Variants in CMSS1 observed in about 807,000 individuals in gnomAD.
CMSS1 encodes the protein cms1 ribosomal small subunit homolog.
CMSS1 carries 33 observed loss-of-function variants against 43.5 expected under a neutral mutation model. That is an observed-to-expected ratio of 0.76 (90% CI 0.57 to 1.01). The LOEUF (loss-of-function observed/expected upper bound fraction) is 1.01, where lower values mean the gene tolerates loss of function less well. Ranked by LOEUF, CMSS1 falls within the 50% of genes least tolerant of loss-of-function variation. The pLI, the probability that CMSS1 is intolerant of heterozygous loss-of-function variation, is 0.00. For missense variants in CMSS1, 313 were observed against 326.4 expected, an observed-to-expected ratio of 0.96 and a Z score of 0.32; for synonymous variants, 115 against 117.2, an observed-to-expected ratio of 0.98 and a Z score of 0.12.
At position 100,066,517 on chromosome 3, in the gene CMSS1, CTTTTTTTTTTTTTTTTTTT is replaced by C. The variant is rs545356638; in HGVS notation, c.65-80442_65-80424del. On this transcript the variant is annotated intron_variant, in intron 1 of 9. Coordinates refer to ENST00000421999, the MANE Select transcript of CMSS1 (RefSeq NM_032359.4). Reference sequence around the variant, plus strand: ...AAGGATGATGTGGAAGGCTTTGCTTCTTTTTTTTTTTTTTTTTTTTTTTTTTTTTTTTGAGACGGAGTCT... The same window carrying C: ...AAGGATGATGTGGAAGGCTTTGCTTCTTTTTTTTTTTTTGAGACGGAGTCT... Among the ~76,000 whole-genome samples the C allele has an allele frequency of 1.7e-3, 66 of 38,330 alleles. 6 individuals carry two copies. Among genetic ancestry groups the C allele is most frequent in the Admixed American group, 0.011 (25 of 2,234 alleles). The allele number at this position is 38,330 out of a possible 152,430, so 25.1% of individuals were successfully genotyped here.
chr3:99,938,062 T>G (rs1559696093), intron 1 of CMSS1, among the ~76,000 whole-genome samples: 1 of 92,048 alleles, frequency 1.1e-5, no homozygotes, highest in Non-Finnish European at 2.2e-5. Context: ...TGTGTGTGTG[T>G]GTGTGTGTGT....
chr3:100,106,445 C>T (rs2066396643), intron 1 of CMSS1, among the ~76,000 whole-genome samples: 1 of 152,110 alleles, frequency 6.6e-6, no homozygotes, highest in Admixed American at 6.6e-5. Context: ...ACAAGAAGGA[C>T]TCCAGCAGAA....
At chr3:99,985,260 G>A (rs1026339752) in intron 1 of CMSS1, among the ~76,000 whole-genome samples, 1 of 152,140 alleles carries the variant, frequency 6.6e-6, no homozygotes, top group African/African-American at 2.4e-5. Context: ...GGCCCATCAT[G>A]GTGGCTCACG....
intron 1 of CMSS1, among the ~76,000 whole-genome samples, chr3:99,853,328 C>G (rs956384842): frequency 5.9e-5 from 9 of 152,196 alleles, no homozygotes; most frequent in African/African-American, 1.7e-4. Flanking sequence ...ACAGTTCTTA[C>G]AGTTTTATTA....
In CMSS1 at chr3:100,162,400, T is replaced by C. The variant is rs2107527017; in HGVS notation, c.323T>C (p.Leu108Ser). ...AAGGACTATTATAGCAGCAGACGCT[T>C]GGTGATTGAATTAGAAGAACTGAAC... ...LMKDYYSSRR[L>S]VIELEELNLP... The change falls in exon 4 of 10, where the codon TTG becomes TCG. Residue 108 changes from leucine (L) to serine (S), a missense_variant. Physicochemically the swap from Leu to Ser is moderately radical, Grantham distance 145 (BLOSUM62 -2). Coordinates refer to ENST00000421999, the MANE Select transcript of CMSS1 (RefSeq NM_032359.4). 1 of 1,613,276 alleles carries C rather than the reference T, an allele frequency of 6.2e-7. No homozygotes were observed. The highest frequency in any genetic ancestry group is 8.5e-7 in the Non-Finnish European group (1 of 1,179,388).
At chr3:100,055,838 C>T (rs774374834) in intron 1 of CMSS1, among the ~76,000 whole-genome samples, 3 of 152,170 alleles carry the variant, frequency 2.0e-5, no homozygotes, top group Non-Finnish European at 4.4e-5. Flanking sequence ...TATTAAATTA[C>T]TCTTCCACAA....
intron 1 of CMSS1, among the ~76,000 whole-genome samples, chr3:99,885,879 G>A (rs1008427939): frequency 6.6e-6 from 1 of 152,140 alleles, no homozygotes; most frequent in Non-Finnish European, 1.5e-5. Flanking sequence ...TGTAAATCTA[G>A]AATGGGGAAT....
rs568938735 is a variant in CMSS1 at position 100,002,574 on chromosome 3, G to A, written c.65-144399G>A. On this transcript the variant is annotated intron_variant, in intron 1 of 9. Transcript: ENST00000421999. ...GAGTGACCTAGATAGCTGATAAAAA[G>A]TAAAGCTGATTTTATGCCTAGCTTT... Among the ~76,000 whole-genome samples the A allele has an allele frequency of 2.1e-4, 32 of 152,310 alleles. No homozygotes were observed. In the East Asian group the frequency reaches 4.1e-3, roughly 19 times the overall value.
At chr3:100,092,259 A>G (rs1238538776) in intron 1 of CMSS1, among the ~76,000 whole-genome samples, 1 of 152,224 alleles carries the variant, frequency 6.6e-6, no homozygotes, top group Non-Finnish European at 1.5e-5. Context: ...GTGATTGGAA[A>G]TAGTTGACAT....
At chr3:100,136,246 TAGAC>T (rs1476106621) in intron 1 of CMSS1, among the ~76,000 whole-genome samples, 3 of 152,064 alleles carry the variant, frequency 2.0e-5, no homozygotes, top group Non-Finnish European at 2.9e-5. Context: ...TGCCGTATGT[TAGAC>T]AGCAAAAAAG....
At chr3:100,060,564 A>G (rs2065545676) in intron 1 of CMSS1, among the ~76,000 whole-genome samples, 2 of 152,114 alleles carry the variant, frequency 1.3e-5, no homozygotes, top group South Asian at 4.1e-4. Flanking sequence ...CACTTAAGAA[A>G]CAAATAGGGG....
intron 1 of CMSS1, among the ~76,000 whole-genome samples, chr3:99,972,479 T>C (rs1708852133): frequency 6.6e-6 from 1 of 152,232 alleles, no homozygotes; most frequent in Non-Finnish European, 1.5e-5. Flanking sequence ...TTTATTTCTC[T>C]CCATTAGTTA....
intron 1 of CMSS1, chr3:99,924,215 C>G: frequency 2.5e-6 from 4 of 1,609,328 alleles, no homozygotes; most frequent in Non-Finnish European, 2.5e-6. Flanking sequence ...CATTGTTTGC[C>G]CAAAGCAGCC....
chr3:100,160,818 C>T (rs906866350), intron 3 of CMSS1, among the ~76,000 whole-genome samples: 26 of 152,312 alleles, frequency 1.7e-4, no homozygotes, highest in Admixed American at 8.5e-4. Context: ...TATCCTCCCC[C>T]GGCCCTTCTG....
intron 1 of CMSS1, among the ~76,000 whole-genome samples, chr3:100,099,865 T>TAAC (rs1343553921): frequency 6.6e-6 from 1 of 152,068 alleles, no homozygotes; most frequent in African/African-American, 2.4e-5. Context: ...ATTCCAGGTG[T>TAAC]GGTTATGGAA....
At chr3:99,827,746 C>T (rs969759303) in intron 1 of CMSS1, among the ~76,000 whole-genome samples, 3 of 152,220 alleles carry the variant, frequency 2.0e-5, no homozygotes, top group Non-Finnish European at 1.5e-5. Flanking sequence ...GCTGGGATTA[C>T]AGGCATGCGC....
intron 1 of CMSS1, among the ~76,000 whole-genome samples, chr3:99,909,950 A>C (rs1706741660): frequency 7.2e-6 from 1 of 138,312 alleles, no homozygotes; most frequent in Admixed American, 7.6e-5. Flanking sequence ...ATCTGACCAA[A>C]ATGAGTGAGA....
At chr3:100,109,132 C>T (rs1275510791) in intron 1 of CMSS1, among the ~76,000 whole-genome samples, 2 of 150,566 alleles carry the variant, frequency 1.3e-5, no homozygotes, top group Non-Finnish European at 3.0e-5. Flanking sequence ...CTTTCTCAGG[C>T]CTCAATTCTT....
At chr3:100,103,417 G>C (rs2107461690) in intron 1 of CMSS1, among the ~76,000 whole-genome samples, 1 of 152,344 alleles carries the variant, frequency 6.6e-6, no homozygotes, top group Middle Eastern at 3.4e-3. Context: ...AAGCAAACTA[G>C]TGTTGGGATA....
Sources: gnomAD v4.1 joint callset for allele counts (sites outside exome capture counted in the v4.1 genomes callset) on GRCh38, gnomAD v4.1.1 for gene constraint, MANE v1.5 for transcripts, NCBI Gene and HGNC (gene_info 2026-07-23, HGNC 2026-07-21) for gene names.